The following MBP variants were observed in gnomAD, a reference collection of about 807,000 sequenced individuals.
MBP encodes the protein Golli-MBP.
In MBP, 16 loss-of-function variants were observed where a neutral mutation model predicts 35.8. The observed-to-expected ratio is 0.45, with a 90% confidence interval of 0.30 to 0.68. The LOEUF is 0.68. Ranked by LOEUF, MBP falls within the 30% of genes least tolerant of loss-of-function variation. MBP has a pLI of 0.08. For missense variants in MBP, 380 were observed against 404.7 expected, an observed-to-expected ratio of 0.94 and a Z score of 0.52; for synonymous variants, 143 against 159.6, an observed-to-expected ratio of 0.90 and a Z score of 0.78.
intron 1 of MBP, among the ~76,000 whole-genome samples, chr18:77,121,225 G>A (rs11664489): frequency 0.23 from 35,612 of 151,716 alleles, 5,228 homozygotes; most frequent in South Asian, 0.38. Flanking sequence ...TGGGAGGGTC[G>A]TTTGAGCCCC....
intron 3 of MBP, among the ~76,000 whole-genome samples, chr18:77,030,156 G>T (rs558809538): frequency 1.4e-4 from 22 of 152,148 alleles, no homozygotes; most frequent in African/African-American, 5.1e-4. Context: ...ATCAGGCAAT[G>T]GTTAGGAGGC....
At chr18:77,094,916 C>T (rs1054467491) in intron 2 of MBP, among the ~76,000 whole-genome samples, 5 of 152,194 alleles carry the variant, frequency 3.3e-5, no homozygotes, top group African/African-American at 4.8e-5. Flanking sequence ...TAGAGGCTAA[C>T]GTGTCACCAG....
At chr18:77,016,113 A>G (rs2123457583) in intron 4 of MBP, 2 of 985,126 alleles carry the variant, frequency 2.0e-6, no homozygotes, top group Non-Finnish European at 2.4e-6. Context: ...CTGACAATCA[A>G]CTGCAGAAAC....
chr18:77,106,245 C>T (rs1211886521), intron 1 of MBP, among the ~76,000 whole-genome samples: 4 of 152,188 alleles, frequency 2.6e-5, no homozygotes, highest in African/African-American at 4.8e-5. Flanking sequence ...AGTAGATACA[C>T]CCGAACACAA....
chr18:77,108,681 T>A (rs1286710689), intron 1 of MBP: 4 of 152,232 alleles, frequency 2.6e-5, no homozygotes, highest in African/African-American at 9.6e-5. Context: ...TTGTTGACTG[T>A]TAGGCTCTCG....
At chr18:77,010,155 C>G in intron 4 of MBP, 1 of 563,590 alleles carries the variant, frequency 1.8e-6, no homozygotes. Flanking sequence ...GGCAGGCATG[C>G]GCCCTGAAGG....
intron 2 of MBP, among the ~76,000 whole-genome samples, chr18:77,096,796 T>C (rs890687369): frequency 6.8e-6 from 1 of 146,730 alleles, no homozygotes; most frequent in Non-Finnish European, 1.5e-5. Context: ...CAAATGTAAG[T>C]GTGAAGATAA....
rs917748178 is a variant in MBP, at chr18:77,056,389, G to A, written c.139+9909C>T. Among the ~76,000 whole-genome samples, 9 of 152,142 alleles carry A rather than the reference G, an allele frequency of 5.9e-5. No individual in the cohort carries two copies. In the East Asian group the frequency reaches 1.5e-3, roughly 26 times the overall value. ...ACTTGCCACTATGAATTATTTCTCC[G>A]TCCCTTTGAGACATCGGCCCTTTCC... On this transcript the variant is annotated intron_variant, in intron 3 of 8. Coordinates refer to ENST00000355994, the MANE Select transcript of MBP (RefSeq NM_001025101.2).
intron 2 of MBP, among the ~76,000 whole-genome samples, chr18:77,100,508 GGTGTGT>G (rs57715344): frequency 0.072 from 9,609 of 133,476 alleles, 483 homozygotes; most frequent in East Asian, 0.19. Context: ...TAGAATTTGG[GGTGTGT>G]GTGTGTGTGT....
intron 4 of MBP, among the ~76,000 whole-genome samples, chr18:77,007,837 T>G (rs1398221214): frequency 6.6e-6 from 1 of 152,212 alleles, no homozygotes; most frequent in Non-Finnish European, 1.5e-5. Context: ...GAGGATTTAC[T>G]TATCTTTGGC....
rs981338185 is a variant in MBP, at chr18:77,016,325, C to T, written c.576+507G>A. On this transcript the variant is annotated intron_variant, in intron 4 of 8. Transcript: ENST00000355994. ...GACCACAGAGAACGTTTGCTCAAGGCGGATTTAAATTGAGGAGTTTGTTCA... is the reference window on the plus strand; with the variant it reads ...GACCACAGAGAACGTTTGCTCAAGGTGGATTTAAATTGAGGAGTTTGTTCA... 1.0e-5 allele frequency: 10 copies of T among 987,312 alleles called. No homozygotes were observed. In the Admixed American group the frequency reaches 2.4e-4, roughly 24 times the overall value. 61.2% of individuals were successfully genotyped at this position (987,312 alleles called of 1,614,324 possible).
intron 8 of MBP, chr18:76,983,911 C>T (rs1326481575): frequency 1.3e-5 from 2 of 152,214 alleles, no homozygotes; most frequent in African/African-American, 4.8e-5. Flanking sequence ...ATGTTACACA[C>T]CAAGAAAGAC....
chr18:77,041,847 G>A (rs1973013063), intron 3 of MBP, among the ~76,000 whole-genome samples: 1 of 151,584 alleles, frequency 6.6e-6, no homozygotes, highest in African/African-American at 2.4e-5. Flanking sequence ...GTTACTGGGT[G>A]CAGCACACCA....
intron 4 of MBP, among the ~76,000 whole-genome samples, chr18:77,002,093 T>C (rs759086907): frequency 1.3e-5 from 2 of 152,180 alleles, no homozygotes; most frequent in Non-Finnish European, 2.9e-5. Context: ...ATCTGCCCCA[T>C]TTTCCCACCT....
intron 4 of MBP, among the ~76,000 whole-genome samples, chr18:77,008,521 G>A (rs1162906535): frequency 2.6e-5 from 4 of 152,150 alleles, no homozygotes; most frequent in Non-Finnish European, 2.9e-5. Flanking sequence ...CCCTCAGGGT[G>A]CATGGTTGCC....
At position 77,065,220 on chromosome 18, in the gene MBP, C is replaced by T. The variant is rs117876825; in HGVS notation, c.139+1078G>A. Among the ~76,000 whole-genome samples the T allele has an allele frequency of 2.0e-5, 3 of 152,290 alleles. No individual in the cohort carries two copies. In the East Asian group the frequency reaches 5.8e-4, roughly 29 times the overall value. Reference sequence around the variant, plus strand: ...AATTTATTCCTTACAGTTCTTGAGGCTGGAAAGTCCCAGGGCATGGCACTG... The same window carrying T: ...AATTTATTCCTTACAGTTCTTGAGGTTGGAAAGTCCCAGGGCATGGCACTG... On this transcript the variant is annotated intron_variant, in intron 3 of 8. Transcript: ENST00000355994.
chr18:77,011,640 A>G (rs1258412457), intron 4 of MBP, among the ~76,000 whole-genome samples: 1 of 152,244 alleles, frequency 6.6e-6, no homozygotes, highest in Non-Finnish European at 1.5e-5. Context: ...CAAGGGCCAG[A>G]GAAGACGAAA....
chr18:76,980,551 G>C, intron 8 of MBP, 80 bp from the exon 9 acceptor site: 1 of 1,108,686 alleles, frequency 9.0e-7, no homozygotes. Flanking sequence ...TGTGGTCCCG[G>C]GTGGATGCTG....
chr18:77,091,649 AAC>A (rs747931711), intron 2 of MBP, among the ~76,000 whole-genome samples: 90 of 150,864 alleles, frequency 6.0e-4, no homozygotes, highest in African/African-American at 1.9e-3. Context: ...ACACACCACA[AAC>A]ACACATGCAC....
Sources: allele counts gnomAD v4.1 joint callset (sites outside exome capture counted in the v4.1 genomes callset), GRCh38; gene constraint gnomAD v4.1.1; transcripts MANE v1.5; gene names NCBI Gene and HGNC (gene_info 2026-07-23, HGNC 2026-07-21).